Variants in ZNF180 observed in about 807,000 individuals in gnomAD.
The protein encoded by ZNF180 is zinc finger protein 180.
Under a neutral mutation model 11.8 loss-of-function variants are expected in ZNF180, and 11 were observed. The observed-to-expected ratio is 0.93, with a 90% CI of 0.59 to 1.55. ZNF180 has a LOEUF of 1.55. ZNF180 is among the 40% of genes most tolerant of loss of function. The pLI, the probability that ZNF180 is intolerant of heterozygous loss-of-function variation, is 0.00. For synonymous variants in ZNF180, 287 were observed against 257.7 expected (o/e 1.11, Z -1.09); for missense variants, 773 against 781.7 (o/e 0.99, Z 0.13).
chr19:44,497,912 G>A (rs1192801071), intron 1 of ZNF180, among the ~76,000 whole-genome samples: 31 of 152,134 alleles, frequency 2.0e-4, no homozygotes, highest in Admixed American at 1.9e-3. Context: ...TGATCCTACC[G>A]TTCCATCAGC....
chr19:44,481,419 T>TA (rs1237905030), intron 3 of ZNF180, among the ~76,000 whole-genome samples: 1 of 152,226 alleles, frequency 6.6e-6, no homozygotes, highest in Non-Finnish European at 1.5e-5. Context: ...CATTAATCTT[T>TA]AAGGTATTGT....
At chr19:44,479,071 A>C (rs865997319) in intron 4 of ZNF180, among the ~76,000 whole-genome samples, 1 of 152,346 alleles carries the variant, frequency 6.6e-6, no homozygotes, top group Middle Eastern at 3.4e-3. Context: ...TTTGGTCTTT[A>C]GGAACATGAA....
Position 44,495,851 on chromosome 19 carries a change from ACT to A in ZNF180, c.51+1431_51+1432del, listed in dbSNP as rs1366755569. Reference sequence around the variant, plus strand: ...GGTCACTGACACCCTGCACATGGACACTCTCTTCACAGCAGGCAGTCCTGACA... The same window carrying A: ...GGTCACTGACACCCTGCACATGGACACTCTTCACAGCAGGCAGTCCTGACA... On this transcript the variant is annotated intron_variant, in intron 2 of 4. Coordinates refer to ENST00000592529, the MANE Select transcript of ZNF180 (RefSeq NM_001278509.3). The surrounding 1 kb of genome is among the most constrained non-coding windows in gnomAD (Gnocchi z 4.5). Among the ~76,000 whole-genome samples the A allele has an allele frequency of 1.1e-4, 16 of 152,028 alleles. No homozygotes were observed. Among genetic ancestry groups the A allele is most frequent in the African/African-American group, 3.6e-4 (15 of 41,388 alleles).
Position 44,500,329 on chromosome 19 carries a change from A to C in ZNF180, c.-98T>G, listed in dbSNP as rs1056239328. ...TGGGCCTGTCACCGCCTCAGTGCCT[A>C]GCACGGCTCTGCGGCAGGACGAACT... On this transcript the variant is annotated 5_prime_UTR_variant, in exon 1 of 5. Transcript: ENST00000592529. 26 of 1,540,584 alleles carry C rather than the reference A, an allele frequency of 1.7e-5. No homozygotes were observed. Among genetic ancestry groups the C allele is most frequent in the Non-Finnish European group, 2.2e-5 (25 of 1,119,870 alleles).
In ZNF180 at chr19:44,496,000, CG is replaced by C. The variant is rs1399776422; in HGVS notation, c.51+1283del. Among the ~76,000 whole-genome samples the C allele has an allele frequency of 6.6e-6, 1 of 152,060 alleles. No individual in the cohort carries two copies. Among genetic ancestry groups the C allele is most frequent in the African/African-American group, 2.4e-5 (1 of 41,416 alleles). ...ATTAAGAGTTTTCAAAGAATATTTG[CG>C]GTGGGAAATGTTCTAAATTGTTAAC... On this transcript the variant is annotated intron_variant, in intron 2 of 4. Coordinates refer to ENST00000592529, the MANE Select transcript of ZNF180 (RefSeq NM_001278509.3). The surrounding 1 kb of genome is among the most constrained non-coding windows in gnomAD (Gnocchi z 4.5).
intron 2 of ZNF180, 133 bp downstream of exon 2, chr19:44,497,151 G>A (rs1970609438): frequency 1.7e-6 from 1 of 572,762 alleles, no homozygotes; most frequent in South Asian, 3.4e-5. Flanking sequence ...TATATAGTAA[G>A]TGTTAGAAGC....
At chr19:44,488,628 C>T (rs1970315709) in intron 2 of ZNF180, among the ~76,000 whole-genome samples, 1 of 151,994 alleles carries the variant, frequency 6.6e-6, no homozygotes. Context: ...CTCCACCTCC[C>T]AGCTGCCTGC....
At position 44,476,831 on chromosome 19, in the gene ZNF180, T is replaced by C. The variant is rs755527994; in HGVS notation, c.1569A>G (p.Glu523=). ...QRTHTGEKPY[E]CSECGKSFNR... is the part of the protein sequence containing the mutation. ...TAAAAGATTTTCCACATTCACTACA[T>C]TCATACGGTTTCTCTCCAGTGTGAG... The change falls in exon 5 of 5, where the codon GAA becomes GAG. Residue 523 remains glutamate (E), a synonymous_variant. Coordinates refer to ENST00000592529, the MANE Select transcript of ZNF180 (RefSeq NM_001278509.3). 1.9e-6 allele frequency: 3 copies of C among 1,614,196 alleles called. No homozygotes were observed. The highest frequency in any genetic ancestry group is 2.5e-6 in the Non-Finnish European group (3 of 1,180,018).
chr19:44,479,407 T>C lies in ZNF180; in HGVS notation c.129A>G (p.Glu43=), dbSNP rs769105495. 2.5e-6 allele frequency: 4 copies of C among 1,613,682 alleles called. No individual in the cohort carries two copies. In the Admixed American group the frequency reaches 5.0e-5, roughly 20 times the overall value. The stretch of plus-strand genomic sequence containing the variant: ...CAGTCACAATTTTGAAGTTCACTCC[T>C]TCCTAAAAAAGGACACACATTCCTG... The part of the protein sequence containing the change: ...DTGSLTIPSQ[E]GVNFKIVTVD... Residue 43 remains glutamate (E), a splice_region_variant and synonymous_variant, in exon 4 of 5, where the codon GAA becomes GAG. Coordinates refer to ENST00000592529, the MANE Select transcript of ZNF180 (RefSeq NM_001278509.3).
intron 1 of ZNF180, among the ~76,000 whole-genome samples, chr19:44,499,732 A>G (rs183650625): frequency 7.9e-5 from 12 of 152,254 alleles, no homozygotes; most frequent in Admixed American, 7.2e-4. Flanking sequence ...TGCAACTCCA[A>G]TCTGGTCTCT....
intron 3 of ZNF180, among the ~76,000 whole-genome samples, chr19:44,482,572 A>G (rs1049174152): frequency 1.3e-4 from 20 of 149,690 alleles, no homozygotes; most frequent in Non-Finnish European, 2.5e-4. Flanking sequence ...CACCACCCCC[A>G]CCCCATTCAC....
intron 3 of ZNF180, among the ~76,000 whole-genome samples, chr19:44,482,220 A>C (rs561667114): frequency 1.3e-5 from 2 of 152,280 alleles, no homozygotes; most frequent in South Asian, 4.1e-4. Context: ...GGTTTGGAGA[A>C]TCACCTGAGC....
chr19:44,490,016 AAAGAAAAAGACAGG>A (rs764134177), intron 2 of ZNF180, among the ~76,000 whole-genome samples: 47,129 of 113,466 alleles, frequency 0.42, 11,968 homozygotes, highest in South Asian at 0.57. Context: ...AAAAGAAAAG[AAAGAAAAAGACAGG>A]AAAGAAAGAG....
At position 44,477,920 on chromosome 19, in the gene ZNF180, C is replaced by G. The variant is rs749468632; in HGVS notation, c.480G>C (p.Glu160Asp). Residue 160 changes from glutamate to aspartate, a missense_variant, in exon 5 of 5, where the codon GAG (glutamate) becomes GAC (aspartate). Coordinates refer to ENST00000592529, the MANE Select transcript of ZNF180 (RefSeq NM_001278509.3). Reference protein sequence around the residue: ...AFTQRKAVIHERVCKSDETGE... With the variant: ...AFTQRKAVIHDRVCKSDETGE... ...CAGTTTCATCACTTTTGCAGACTCT[C>G]TCATGAATAACTGCTTTCCTTTGAG... 1 of 1,613,974 alleles carries G rather than the reference C, an allele frequency of 6.2e-7. No homozygotes were observed. Among genetic ancestry groups the G allele is most frequent in the South Asian group, 1.1e-5 (1 of 91,072 alleles).
rs571561555 is a variant in ZNF180, at chr19:44,488,369, A to G, written c.52-3934T>C. Among the ~76,000 whole-genome samples, 304 of 152,062 alleles carry G rather than the reference A, an allele frequency of 2.0e-3. 1 individual carries two copies. The highest frequency in any genetic ancestry group is 6.9e-3 in the African/African-American group (286 of 41,440). ...CGGCTCACTGCAACCTCCCTGCCTG[A>G]TTCTCCTGCCTCAGCCTGCCGAGTG... On this transcript the variant is annotated intron_variant, in intron 2 of 4. Transcript: ENST00000592529.
Position 44,477,991 on chromosome 19 carries a change from T to C in ZNF180, c.409A>G (p.Lys137Glu), listed in dbSNP as rs767878581. The C allele has an allele frequency of 1.2e-6, 2 of 1,614,094 alleles. No individual in the cohort carries two copies. Among genetic ancestry groups the C allele is most frequent in the South Asian group, 2.2e-5 (2 of 91,080 alleles). ...EVDDCKDQLE[K>E]QQEKQEILLQ... The stretch of plus-strand genomic sequence containing the variant: ...AGTATCTCTTGTTTTTCCTGTTGCT[T>C]CTCCAACTGGTCTTTACAATCATCC... Residue 137 changes from lysine (K) to glutamate (E), a missense_variant, in exon 5 of 5, where the codon AAG becomes GAG. By Grantham distance (56) the Lys-to-Glu change is moderately conservative. Transcript: ENST00000592529.
rs1388815178 is a variant in ZNF180 at position 44,476,917 on chromosome 19, C to T, written c.1483G>A (p.Glu495Lys). ...QRTHTGEKPFECNQCGKSFSW... is the reference protein window; with the variant it reads ...QRTHTGEKPFKCNQCGKSFSW... The stretch of plus-strand genomic sequence containing the variant: ...AAGGATTTCCCACACTGATTACATT[C>T]AAAGGGTTTTTCTCCTGTGTGAGTT... The change falls in exon 5 of 5, where the codon GAA becomes AAA. Residue 495 changes from glutamate (E) to lysine (K), a missense_variant. Coordinates refer to ENST00000592529, the MANE Select transcript of ZNF180 (RefSeq NM_001278509.3). 7 of 1,613,894 alleles carry T rather than the reference C, an allele frequency of 4.3e-6. No individual in the cohort carries two copies. The highest frequency in any genetic ancestry group is 5.9e-6 in the Non-Finnish European group (7 of 1,179,996).
At chr19:44,486,405 C>A (rs1970230471) in intron 2 of ZNF180, among the ~76,000 whole-genome samples, 1 of 152,186 alleles carries the variant, frequency 6.6e-6, no homozygotes, top group African/African-American at 2.4e-5. Flanking sequence ...AGGAAAGGTG[C>A]TTCCCTCTTT....
chr19:44,498,452 C>T (rs531191526), intron 1 of ZNF180, among the ~76,000 whole-genome samples: 10 of 152,260 alleles, frequency 6.6e-5, no homozygotes, highest in Middle Eastern at 3.4e-3. Flanking sequence ...TTTCCTCCAC[C>T]TTACTCCACA....
Sources: allele counts gnomAD v4.1 joint callset (sites outside exome capture counted in the v4.1 genomes callset), GRCh38; gene constraint gnomAD v4.1.1; non-coding constraint Gnocchi (gnomAD v3.1); transcripts MANE v1.5; gene names NCBI Gene and HGNC (gene_info 2026-07-23, HGNC 2026-07-21).